SNRNP70: variants seen among roughly 807,000 people sequenced by gnomAD.
The protein encoded by SNRNP70 is small nuclear ribonucleoprotein U1 subunit 70.
Under a neutral mutation model 50.5 loss-of-function variants are expected in SNRNP70, and 8 were observed. The ratio of observed to expected loss-of-function variants is 0.16; its 90% CI spans 0.09 to 0.29. SNRNP70 has a LOEUF of 0.29. Among genes scored for constraint, SNRNP70 ranks in the 10% least tolerant of loss-of-function variants. SNRNP70 has a pLI of 1.00. For synonymous variants in SNRNP70, 320 were observed against 252.9 expected, an observed-to-expected ratio of 1.27 and a Z score of -2.52; for missense variants, 529 against 663.5, an observed-to-expected ratio of 0.80 and a Z score of 2.23.
chr19:49,085,461 G>A lies in SNRNP70; in HGVS notation c.-186G>A, dbSNP rs1232683283. On this transcript the variant is annotated 5_prime_UTR_variant, in exon 1 of 10. Coordinates refer to ENST00000598441, the MANE Select transcript of SNRNP70 (RefSeq NM_003089.6). ...CCCACCCCCTGCTCCAGTCGCTATCGGAGGCCGCGCGGGTGGCTGAGCAGC... is the reference window on the plus strand; with the variant it reads ...CCCACCCCCTGCTCCAGTCGCTATCAGAGGCCGCGCGGGTGGCTGAGCAGC... The A allele has an allele frequency of 1.9e-5, 8 of 431,194 alleles. No individual in the cohort carries two copies. Among genetic ancestry groups the A allele is most frequent in the Non-Finnish European group, 4.7e-6 (1 of 212,360 alleles). 26.7% of individuals were successfully genotyped at this position (431,194 alleles called of 1,614,324 possible). A position where few individuals can be genotyped will look rare whatever the true frequency, so the allele number is the denominator to read the frequency against.
chr19:49,101,948 G>A (rs1027114579), intron 7 of SNRNP70, among the ~76,000 whole-genome samples: 6 of 151,826 alleles, frequency 4.0e-5, no homozygotes, highest in Non-Finnish European at 7.4e-5. Context: ...TTCCTCAGCG[G>A]GCAGTGGGGT....
At chr19:49,105,013 C>T (rs1034037333) in intron 8 of SNRNP70, among the ~76,000 whole-genome samples, 23 of 152,290 alleles carry the variant, frequency 1.5e-4, no homozygotes, top group Admixed American at 1.3e-3. Context: ...TTTCCTGCCT[C>T]ATTGTACTCC....
In SNRNP70 at chr19:49,090,370, T is replaced by C. The variant is rs934304606; in HGVS notation, c.210+17T>C. ...GAGAGGAAAGTATGTCATTTTTGCT[T>C]CCTGACCCCCTGTTTTACCACTGTC... On this transcript the variant is annotated intron_variant, in intron 3 of 9. Transcript: ENST00000598441. The C allele has an allele frequency of 9.9e-6, 16 of 1,613,976 alleles. No homozygotes were observed. In the Admixed American group the frequency reaches 1.0e-4, roughly 10 times the overall value.
rs530431378 is a variant in SNRNP70, at chr19:49,085,497, G to A, written c.-150G>A. The A allele has an allele frequency of 5.3e-4, 242 of 453,482 alleles. 4 individuals carry two copies. The highest frequency in any genetic ancestry group is 3.6e-3 in the South Asian group (233 of 64,384). 28.1% of individuals were successfully genotyped at this position (453,482 alleles called of 1,614,324 possible). ...GGGTGGCTGAGCAGCGGCCTGGTGCGCTCGCTTAGCGGGCGACGGAATCAG... is the reference window on the plus strand; with the variant it reads ...GGGTGGCTGAGCAGCGGCCTGGTGCACTCGCTTAGCGGGCGACGGAATCAG... On this transcript the variant is annotated 5_prime_UTR_variant, in exon 1 of 10. Transcript: ENST00000598441.
Position 49,085,523 on chromosome 19 carries a change from A to ACGCCCC in SNRNP70, c.-122_-121insCCCCCG. On this transcript the variant is annotated 5_prime_UTR_variant, in exon 1 of 10. Transcript: ENST00000598441. ...CTCGCTTAGCGGGCGACGGAATCAG[A>ACGCCCC]CGGACGTGGACGCCCCCGGAGTGGA... The ACGCCCC allele has an allele frequency of 2.2e-6, 1 of 455,654 alleles. No individual in the cohort carries two copies. Among genetic ancestry groups the ACGCCCC allele is most frequent in the Non-Finnish European group, 4.4e-6 (1 of 226,582 alleles). The allele number at this position is 455,654 out of a possible 1,614,324, so 28.2% of individuals were successfully genotyped here.
At chr19:49,087,634 G>A (rs1201285726) in intron 2 of SNRNP70, 1 of 152,136 alleles carries the variant, frequency 6.6e-6, no homozygotes, top group Non-Finnish European at 1.5e-5. Flanking sequence ...GGATGACAAG[G>A]GTCATCTCTT....
Position 49,107,615 on chromosome 19 carries a change from C to T in SNRNP70, c.578-10C>T. ...CCAGATTCACCCTCTGTCCGTCTGC[C>T]CTGCCCCAGGAGGAGGCCTCGGTGG... On this transcript the variant is annotated splice_polypyrimidine_tract_variant and intron_variant, in intron 8 of 9. Coordinates refer to ENST00000598441, the MANE Select transcript of SNRNP70 (RefSeq NM_003089.6). This position sits in a 1 kb window ranked among gnomAD's most constrained non-coding sequence, Gnocchi z 6.0. 1 of 1,613,664 alleles carries T rather than the reference C, an allele frequency of 6.2e-7. No homozygotes were observed. The highest frequency in any genetic ancestry group is 2.2e-5 in the East Asian group (1 of 44,872).
rs1422347147 is a variant in SNRNP70, at chr19:49,108,374, G to A, written c.1245G>A (p.Met415Ile). 1.2e-6 allele frequency: 2 copies of A among 1,611,404 alleles called. No individual in the cohort carries two copies. The highest frequency in any genetic ancestry group is 1.7e-6 in the Non-Finnish European group (2 of 1,178,892). ...GLGNDSRDMY[M>I]ESEGGDGYLA... ...GCAACGACAGCCGAGACATGTACAT[G>A]GAGTCTGAGGGCGGCGACGGCTACC... Residue 415 changes from methionine (M) to isoleucine (I), a missense_variant, in exon 10 of 10, where the codon ATG becomes ATA. Physicochemically the swap from Met to Ile is conservative, Grantham distance 10. Around this residue, in one of 4 missense-constraint regions of SNRNP70, gnomAD observed 327 missense variants for 308.8 expected, o/e 1.06. Coordinates refer to ENST00000598441, the MANE Select transcript of SNRNP70 (RefSeq NM_003089.6).
intron 7 of SNRNP70, chr19:49,102,971 G>A (rs1275614656): frequency 6.6e-6 from 1 of 152,604 alleles, no homozygotes; most frequent in Non-Finnish European, 1.5e-5. Flanking sequence ...GTCCTTAAAT[G>A]CCTTTCCCCA....
Position 49,098,712 on chromosome 19 carries a change from G to A in SNRNP70, c.393+8G>A. On this transcript the variant is annotated splice_region_variant and intron_variant, in intron 6 of 9. Coordinates refer to ENST00000598441, the MANE Select transcript of SNRNP70 (RefSeq NM_003089.6). ...TACGGACCTATCAAAAGAGTAAGTG[G>A]AGTGGGTCAGGGTGTTTGAATTGGG... The A allele has an allele frequency of 1.2e-6, 2 of 1,612,576 alleles. No homozygotes were observed.
At position 49,107,588 on chromosome 19, in the gene SNRNP70, G is replaced by C. The variant is rs757358926; in HGVS notation, c.578-37G>C. On this transcript the variant is annotated intron_variant, in intron 8 of 9. Coordinates refer to ENST00000598441, the MANE Select transcript of SNRNP70 (RefSeq NM_003089.6). The surrounding 1 kb of genome is among the most constrained non-coding windows in gnomAD (Gnocchi z 6.0). ...TTCTGCTCCTCCGGGCCCTGTCCCT[G>C]CCCAGATTCACCCTCTGTCCGTCTG... 6.2e-7 allele frequency: 1 copy of C among 1,600,336 alleles called. No individual in the cohort carries two copies. Among genetic ancestry groups the C allele is most frequent in the Non-Finnish European group, 8.6e-7 (1 of 1,167,618 alleles).
intron 4 of SNRNP70, among the ~76,000 whole-genome samples, chr19:49,092,021 T>G (rs2040453262): frequency 6.6e-6 from 1 of 152,214 alleles, no homozygotes; most frequent in African/African-American, 2.4e-5. Flanking sequence ...ACCCTTCTTT[T>G]CATGTCCATC....
chr19:49,101,794 C>A (rs2040591374), intron 7 of SNRNP70: 2 of 401,792 alleles, frequency 5.0e-6, no homozygotes, highest in Non-Finnish European at 9.5e-6. Flanking sequence ...TTTGGGGGAA[C>A]CTCCCCCATT....
Position 49,104,547 on chromosome 19 carries a change from G to T in SNRNP70, c.476-87G>T, listed in dbSNP as rs1321860598. 2.0e-6 allele frequency: 2 copies of T among 993,172 alleles called. No individual in the cohort carries two copies. Among genetic ancestry groups the T allele is most frequent in the Admixed American group, 2.0e-5 (1 of 49,910 alleles). 61.5% of individuals were successfully genotyped at this position (993,172 alleles called of 1,614,324 possible). A position where few individuals can be genotyped will look rare whatever the true frequency, so the allele number is the denominator to read the frequency against. The stretch of plus-strand genomic sequence containing the variant: ...CGTGTGCGTGATGATGGGGACACGG[G>T]GCGGGGATTCTGTAGAGCTGGGCCT... On this transcript the variant is annotated intron_variant, in intron 7 of 9. Transcript: ENST00000598441. The surrounding 1 kb of genome is among the most constrained non-coding windows in gnomAD (Gnocchi z 5.4).
chr19:49,101,876 C>A (rs74459731), intron 7 of SNRNP70, among the ~76,000 whole-genome samples: 4 of 151,974 alleles, frequency 2.6e-5, no homozygotes, highest in South Asian at 2.1e-4. Context: ...TCTTCCCCCC[C>A]CAGTAGAACT....
intron 4 of SNRNP70, among the ~76,000 whole-genome samples, chr19:49,091,193 A>C (rs546971858): frequency 2.2e-4 from 34 of 152,106 alleles, no homozygotes; most frequent in African/African-American, 7.2e-4. Flanking sequence ...GCGTGGTGAA[A>C]TCCTGTCTCT....
rs1473259872 is a variant in SNRNP70 at position 49,107,668 on chromosome 19, C to T, written c.621C>T (p.Asn207=). 6.2e-7 allele frequency: 1 copy of T among 1,614,044 alleles called. No individual in the cohort carries two copies. Among genetic ancestry groups the T allele is most frequent in the Admixed American group, 1.7e-5 (1 of 60,004 alleles). ...GGTRRGGADV[N]IRHSGRDDTS... is the part of the protein sequence containing the mutation. ...CCAGAAGAGGAGGGGCTGATGTGAA[C>T]ATCCGGCATTCAGGCCGCGATGACA... Residue 207 remains asparagine, a synonymous_variant, in exon 9 of 10, where the codon AAC becomes AAT. Coordinates refer to ENST00000598441, the MANE Select transcript of SNRNP70 (RefSeq NM_003089.6). The surrounding 1 kb of genome is among the most constrained non-coding windows in gnomAD (Gnocchi z 6.0).
rs2040459811 is a variant in SNRNP70, at chr19:49,092,515, T to A, written c.265+1995T>A. Among the ~76,000 whole-genome samples, 5 of 151,814 alleles carry A rather than the reference T, an allele frequency of 3.3e-5. No individual in the cohort carries two copies. The South Asian group carries it at 1.0e-3, about 32-fold the overall frequency. Reference sequence around the variant, plus strand: ...CTTCCGCCTCCTGGGTTCAAGTGATTCTCCTGCCTCAGCCTTCTGAGCAGC... The same window carrying A: ...CTTCCGCCTCCTGGGTTCAAGTGATACTCCTGCCTCAGCCTTCTGAGCAGC... On this transcript the variant is annotated intron_variant, in intron 4 of 9. Transcript: ENST00000598441.
In SNRNP70 at chr19:49,104,037, A is replaced by T. The variant is rs1355733179; in HGVS notation, c.476-597A>T. On this transcript the variant is annotated intron_variant, in intron 7 of 9. Transcript: ENST00000598441. This position sits in a 1 kb window ranked among gnomAD's most constrained non-coding sequence, Gnocchi z 5.4. ...GCCCCGCCAGGCCCCCTGGGAGTGT[A>T]TAACCCGCCTCTCTGCTCCCTGCCA... 6.6e-6 allele frequency: 1 copy of T among 152,400 alleles called. No individual in the cohort carries two copies. Among genetic ancestry groups the T allele is most frequent in the Non-Finnish European group, 1.5e-5 (1 of 68,406 alleles). The allele number at this position is 152,400 out of a possible 1,614,324, so 9.4% of individuals were successfully genotyped here.
Sources: gnomAD v4.1 joint callset for allele counts (sites outside exome capture counted in the v4.1 genomes callset) on GRCh38, gnomAD v4.1.1 for gene constraint, gnomAD v4.1.1 regional missense constraint, Gnocchi (gnomAD v3.1) non-coding constraint, MANE v1.5 for transcripts, NCBI Gene and HGNC (gene_info 2026-07-23, HGNC 2026-07-21) for gene names.